Variants in JMJD1C observed in about 807,000 individuals in gnomAD.
JMJD1C encodes the protein jumonji domain containing 1C.
JMJD1C carries 31 observed loss-of-function variants against 245.3 expected under a neutral mutation model. That is an observed-to-expected ratio of 0.13 (90% CI 0.09 to 0.17). JMJD1C has a LOEUF of 0.17. Among genes scored for constraint, JMJD1C ranks in the 10% least tolerant of loss-of-function variants. The probability of loss-of-function intolerance (pLI) is 1.00; values close to 1 mark genes in which losing one functional copy is unlikely to be tolerated. For synonymous variants in JMJD1C, 1,057 were observed against 1,017.4 expected (o/e 1.04, Z -0.74); for missense variants, 2,691 against 3,000.2 (o/e 0.90, Z 2.41).
chr10:63,327,057 T>A (rs1941600902), intron 2 of JMJD1C, among the ~76,000 whole-genome samples: 1 of 151,904 alleles, frequency 6.6e-6, no homozygotes, highest in African/African-American at 2.4e-5. Context: ...TGTGGTGGCA[T>A]CCACCTGTAG....
intron 2 of JMJD1C, among the ~76,000 whole-genome samples, chr10:63,363,791 C>T (rs564053654): frequency 1.3e-5 from 2 of 151,796 alleles, no homozygotes; most frequent in African/African-American, 2.4e-5. Context: ...TGATCCTCCC[C>T]CTCTGGCCCC....
intron 1 of JMJD1C, among the ~76,000 whole-genome samples, chr10:63,452,159 C>G (rs1391890153): frequency 6.6e-6 from 1 of 152,056 alleles, no homozygotes; most frequent in Non-Finnish European, 1.5e-5. Flanking sequence ...AAAAGGCAAC[C>G]CACAGAATAG....
At chr10:63,411,197 G>T (rs1949449476) in intron 1 of JMJD1C, among the ~76,000 whole-genome samples, 1 of 152,102 alleles carries the variant, frequency 6.6e-6, no homozygotes, top group African/African-American at 2.4e-5. Context: ...GAGATCAGTG[G>T]AACAGAGGGG....
chr10:63,228,506 G>C (rs1849574867), intron 3 of JMJD1C, among the ~76,000 whole-genome samples: 1 of 152,044 alleles, frequency 6.6e-6, no homozygotes, highest in Non-Finnish European at 1.5e-5. Context: ...GGGTGACAGA[G>C]GGAGATCCTG....
chr10:63,430,750 ACTAT>A lies in JMJD1C; in HGVS notation c.168+34741_168+34744del, dbSNP rs1034736427. On this transcript the variant is annotated intron_variant, in intron 1 of 25. Coordinates refer to ENST00000399262, the MANE Select transcript of JMJD1C (RefSeq NM_032776.3). ...GCTATGTAAATTATATCTCAATAAA[ACTAT>A]CTAATTTATTTATTTTAGAGACAAG... 9.2e-5 allele frequency among the ~76,000 whole-genome samples: 14 copies of A among 152,284 alleles called. 2 individuals carry two copies. The highest frequency in any genetic ancestry group is 6.5e-4 in the Admixed American group (10 of 15,290).
intron 16 of JMJD1C, 92 bp downstream of exon 16, chr10:63,192,845 CA>C: frequency 1.1e-6 from 1 of 947,396 alleles, no homozygotes; most frequent in Non-Finnish European, 1.6e-6. Context: ...TTGTTTACCT[CA>C]ATATTAACAG....
chr10:63,414,049 C>T (rs531422843), intron 1 of JMJD1C, among the ~76,000 whole-genome samples: 47 of 145,490 alleles, frequency 3.2e-4, no homozygotes, highest in African/African-American at 1.2e-3. Flanking sequence ...TGCAGTGGTG[C>T]GATCTTGGCT....
At chr10:63,171,961 G>A (rs963059492) in intron 24 of JMJD1C, among the ~76,000 whole-genome samples, 3 of 152,126 alleles carry the variant, frequency 2.0e-5, no homozygotes, top group African/African-American at 7.2e-5. Flanking sequence ...AAACTGCATT[G>A]CCACCAATTG....
At chr10:63,205,004 C>G (rs959126681) in intron 10 of JMJD1C, 1 of 985,322 alleles carries the variant, frequency 1.0e-6, no homozygotes, top group Non-Finnish European at 1.2e-6. Flanking sequence ...CATAGTGAAA[C>G]TAAGTGCTTT....
intron 2 of JMJD1C, among the ~76,000 whole-genome samples, chr10:63,379,308 T>C (rs1947026821): frequency 1.3e-5 from 2 of 152,146 alleles, no homozygotes; most frequent in African/African-American, 4.8e-5. Context: ...GATAGTAACA[T>C]AAGAAGAAAA....
intron 10 of JMJD1C, chr10:63,204,611 G>C: frequency 2.0e-6 from 2 of 985,294 alleles, no homozygotes; most frequent in Non-Finnish European, 2.4e-6. Flanking sequence ...GAATTCATGG[G>C]GGTAGTGAGG....
At chr10:63,232,416 A>G (rs950520879) in intron 3 of JMJD1C, among the ~76,000 whole-genome samples, 6 of 152,200 alleles carry the variant, frequency 3.9e-5, no homozygotes, top group Admixed American at 2.6e-4. Context: ...ACTTTTATCT[A>G]TGAAAAGAAA....
chr10:63,482,084 C>T lies in JMJD1C; in HGVS notation n.113+39654G>A, dbSNP rs138835196. Among the ~76,000 whole-genome samples the T allele has an allele frequency of 2.7e-4, 41 of 152,116 alleles. No homozygotes were observed. In the East Asian group the frequency reaches 4.8e-3, roughly 18 times the overall value. On this transcript the variant is annotated intron_variant and non_coding_transcript_variant, in intron 1 of 3. Transcript: ENST00000633035. ...ATGTTGTGGATAGGTTCTTGGAAAC[C>T]GCAACTAAATGAAAGGAGTACAGAA...
At chr10:63,454,902 T>C (rs1431925757) in intron 1 of JMJD1C, among the ~76,000 whole-genome samples, 1 of 152,212 alleles carries the variant, frequency 6.6e-6, no homozygotes, top group African/African-American at 2.4e-5. Flanking sequence ...AGAAGCTTCA[T>C]TATATTCAGG....
intron 2 of JMJD1C, among the ~76,000 whole-genome samples, chr10:63,322,343 A>G (rs144863015): frequency 2.0e-4 from 31 of 152,304 alleles, no homozygotes; most frequent in African/African-American, 7.2e-4. Context: ...ATCCCCCTCT[A>G]AACTCTTAGT....
chr10:63,455,248 A>AT (rs1952338437), intron 1 of JMJD1C, among the ~76,000 whole-genome samples: 1 of 152,130 alleles, frequency 6.6e-6, no homozygotes, highest in Admixed American at 6.5e-5. Context: ...TTTAGTACAG[A>AT]TTTTTGTCCT....
At chr10:63,350,068 A>C (rs1171071643) in intron 2 of JMJD1C, among the ~76,000 whole-genome samples, 1 of 152,240 alleles carries the variant, frequency 6.6e-6, no homozygotes, top group African/African-American at 2.4e-5. Context: ...AAAAAGAATA[A>C]GATTTTAATA....
intron 2 of JMJD1C, among the ~76,000 whole-genome samples, chr10:63,281,822 ATAT>A (rs1472113182): frequency 6.6e-6 from 1 of 152,110 alleles, no homozygotes; most frequent in African/African-American, 2.4e-5. Context: ...GGAATAAGAA[ATAT>A]TATACCATTA....
At chr10:63,176,951 T>A (rs1398337814) in intron 23 of JMJD1C, 1 of 153,130 alleles carries the variant, frequency 6.5e-6, no homozygotes, top group Non-Finnish European at 1.5e-5. Flanking sequence ...GACTCTTTAA[T>A]CAGTTAAATA....
Sources: gnomAD v4.1 joint callset for allele counts (sites outside exome capture counted in the v4.1 genomes callset) on GRCh38, gnomAD v4.1.1 for gene constraint, MANE v1.5 for transcripts, NCBI Gene and HGNC (gene_info 2026-07-23, HGNC 2026-07-21) for gene names.